PRKD1: variants seen among roughly 807,000 people sequenced by gnomAD.
PRKD1 encodes the protein protein kinase D1.
PRKD1 carries 63 observed loss-of-function variants against 95.9 expected under a neutral mutation model. The ratio of observed to expected loss-of-function variants is 0.66; its 90% CI spans 0.54 to 0.81. The LOEUF is 0.81. Among genes scored for constraint, PRKD1 ranks in the 30% least tolerant of loss-of-function variants. PRKD1 has a pLI of 0.00. For missense variants in PRKD1, 1,048 were observed against 1,165.3 expected (o/e 0.90, Z 1.47); for synonymous variants, 425 against 423.1 (o/e 1.00, Z -0.05).
At position 29,885,295 on chromosome 14, in the gene PRKD1, G is replaced by C. The variant is rs565704379; in HGVS notation, c.264+41954C>G. Among the ~76,000 whole-genome samples, 73 of 152,198 alleles carry C rather than the reference G, an allele frequency of 4.8e-4. No individual in the cohort carries two copies. The Middle Eastern group carries it at 0.01, about 21-fold the overall frequency. ...TTTGTAAGCTCTATTCCTTGGTCCT[G>C]AGAAAATAAAATGTATAGCTTTATT... On this transcript the variant is annotated intron_variant, in intron 1 of 17. Transcript: ENST00000331968.
intron 1 of PRKD1, among the ~76,000 whole-genome samples, chr14:29,917,993 T>C (rs1172518267): frequency 6.6e-6 from 1 of 152,104 alleles, no homozygotes; most frequent in African/African-American, 2.4e-5. Context: ...ATAGGTAAAC[T>C]TGTGTCATGG....
intron 1 of PRKD1, among the ~76,000 whole-genome samples, chr14:29,907,529 T>C (rs773289195): frequency 6.6e-6 from 1 of 152,200 alleles, no homozygotes; most frequent in Admixed American, 6.5e-5. Flanking sequence ...TCGTGTGGTG[T>C]TTATACTCTC....
chr14:29,787,225 T>G (rs900339591), intron 1 of PRKD1, among the ~76,000 whole-genome samples: 7 of 150,146 alleles, frequency 4.7e-5, no homozygotes, highest in African/African-American at 1.2e-4. Flanking sequence ...GTTTTTTTTT[T>G]TTTTTTTTTT....
intron 1 of PRKD1, among the ~76,000 whole-genome samples, chr14:29,749,286 G>T (rs1258577217): frequency 6.6e-6 from 1 of 152,078 alleles, no homozygotes; most frequent in Non-Finnish European, 1.5e-5. Flanking sequence ...CTTCAAAAAA[G>T]CATGAAAGAA....
chr14:29,756,038 GA>G (rs1164413460), intron 1 of PRKD1, among the ~76,000 whole-genome samples: 2 of 151,348 alleles, frequency 1.3e-5, no homozygotes, highest in East Asian at 1.9e-4. Flanking sequence ...AAAGAAATAG[GA>G]AAAAAAATCA....
chr14:29,654,686 C>G (rs1263538949), intron 4 of PRKD1, among the ~76,000 whole-genome samples: 5 of 152,098 alleles, frequency 3.3e-5, no homozygotes, highest in Non-Finnish European at 4.4e-5. Context: ...TATGCAAGCT[C>G]CATGAAGGCG....
At chr14:29,636,044 CA>C (rs10590081) in intron 7 of PRKD1, among the ~76,000 whole-genome samples, 6,433 of 143,004 alleles carry the variant, frequency 0.045, 339 homozygotes, top group African/African-American at 0.14. Flanking sequence ...CTCTCACATG[CA>C]AAAAAAAAAA....
chr14:29,647,053 C>G (rs1483160812), intron 4 of PRKD1, among the ~76,000 whole-genome samples: 7 of 151,944 alleles, frequency 4.6e-5, no homozygotes, highest in African/African-American at 1.7e-4. Context: ...CACCTTTTCA[C>G]AACAGTGAAA....
At chr14:29,827,139 G>A (rs1891229637) in intron 1 of PRKD1, among the ~76,000 whole-genome samples, 1 of 151,536 alleles carries the variant, frequency 6.6e-6, no homozygotes. Context: ...TACTGCTCAG[G>A]TGATGGGTGC....
At chr14:29,883,371 T>G (rs1245584945) in intron 1 of PRKD1, among the ~76,000 whole-genome samples, 1 of 152,178 alleles carries the variant, frequency 6.6e-6, no homozygotes, top group Non-Finnish European at 1.5e-5. Context: ...AGAAAAATTT[T>G]TAAATGATAT....
At chr14:29,805,576 T>C (rs986929763) in intron 1 of PRKD1, among the ~76,000 whole-genome samples, 6 of 152,244 alleles carry the variant, frequency 3.9e-5, no homozygotes, top group Non-Finnish European at 7.3e-5. Flanking sequence ...CACGAATCGT[T>C]CTAAATCCAC....
intron 6 of PRKD1, 74 bp from the exon 7 acceptor site, chr14:29,636,568 C>A: frequency 6.8e-7 from 1 of 1,464,432 alleles, no homozygotes; most frequent in South Asian, 1.2e-5. Flanking sequence ...GTCAGGTGAT[C>A]CTAAAACAAA....
At chr14:29,849,185 A>C (rs1024755404) in intron 1 of PRKD1, among the ~76,000 whole-genome samples, 1 of 152,114 alleles carries the variant, frequency 6.6e-6, no homozygotes, top group African/African-American at 2.4e-5. Context: ...CAGAGTCCTC[A>C]TGAGATCTGC....
chr14:29,710,480 T>A (rs1286708247), intron 2 of PRKD1, among the ~76,000 whole-genome samples: 1 of 152,104 alleles, frequency 6.6e-6, no homozygotes, highest in East Asian at 1.9e-4. Context: ...CCCAGATTGG[T>A]GACCATTCTA....
At chr14:29,846,468 A>G (rs1445865642) in intron 1 of PRKD1, among the ~76,000 whole-genome samples, 45 of 152,180 alleles carry the variant, frequency 3.0e-4, no homozygotes, top group Non-Finnish European at 2.9e-5. Context: ...TGAGTGCAAA[A>G]GCCCTGCACC....
At chr14:29,726,835 GCTAA>G (rs1027592787) in intron 1 of PRKD1, among the ~76,000 whole-genome samples, 2 of 150,372 alleles carry the variant, frequency 1.3e-5, no homozygotes, top group African/African-American at 4.9e-5. Context: ...CTTCCAGTGT[GCTAA>G]CTAAAAGAAA....
At chr14:29,710,448 T>C (rs1021857158) in intron 2 of PRKD1, among the ~76,000 whole-genome samples, 3 of 152,094 alleles carry the variant, frequency 2.0e-5, no homozygotes, top group African/African-American at 7.2e-5. Context: ...CTAGTTTAAT[T>C]ATGAGAAAGA....
At chr14:29,718,629 G>T (rs1885738555) in intron 2 of PRKD1, among the ~76,000 whole-genome samples, 1 of 152,160 alleles carries the variant, frequency 6.6e-6, no homozygotes, top group Non-Finnish European at 1.5e-5. Flanking sequence ...TTCACATTTA[G>T]ATTTTCCACT....
intron 1 of PRKD1, among the ~76,000 whole-genome samples, chr14:29,734,028 CTTTTTTTTTTTTTTTTTTTTT>C (rs58908662): frequency 3.1e-5 from 2 of 64,640 alleles, no homozygotes; most frequent in African/African-American, 7.9e-5. Context: ...ACTTTCCTGC[CTTTTTTTTTTTTTTTTTTTTT>C]TTTTTTTTTT....
Sources: allele counts gnomAD v4.1 joint callset (sites outside exome capture counted in the v4.1 genomes callset), GRCh38; gene constraint gnomAD v4.1.1; transcripts MANE v1.5; gene names NCBI Gene and HGNC (gene_info 2026-07-23, HGNC 2026-07-21).